The following PNPT1 variants were observed in gnomAD, a reference collection of about 807,000 sequenced individuals.
PNPT1 encodes the protein polyribonucleotide nucleotidyltransferase 1, mitochondrial.
Under a neutral mutation model 119.5 loss-of-function variants are expected in PNPT1, and 53 were observed. The observed-to-expected ratio is 0.44, with a 90% confidence interval of 0.36 to 0.56. The LOEUF is 0.56. PNPT1 is among the 20% of genes least tolerant of loss of function. The probability of loss-of-function intolerance (pLI) is 0.00; values close to 1 mark genes in which losing one functional copy is unlikely to be tolerated. For missense variants in PNPT1, 948 were observed against 938.5 expected (o/e 1.01, Z -0.13); for synonymous variants, 357 against 322.1 (o/e 1.11, Z -1.16).
rs533331095 is a variant in PNPT1 at position 55,676,223 on chromosome 2, C to T, written c.680-3144G>A. Reference sequence around the variant, plus strand: ...GCAGTGAGCCGAGATTGCGCCACTGCACTCCAGCCTGGGCGACAGAGTAAG... The same window carrying T: ...GCAGTGAGCCGAGATTGCGCCACTGTACTCCAGCCTGGGCGACAGAGTAAG... On this transcript the variant is annotated intron_variant, in intron 8 of 27. Coordinates refer to ENST00000447944, the MANE Select transcript of PNPT1 (RefSeq NM_033109.5). 1.8e-4 allele frequency among the ~76,000 whole-genome samples: 24 copies of T among 136,084 alleles called. No homozygotes were observed. In the South Asian group the frequency reaches 4.2e-3, roughly 24 times the overall value. 89.3% of individuals were successfully genotyped at this position (136,084 alleles called of 152,430 possible).
At position 55,693,660 on chromosome 2, in the gene PNPT1, T is replaced by G. The variant is rs768693398; in HGVS notation, c.161+3A>C. On this transcript the variant is annotated splice_donor_region_variant and intron_variant, in intron 1 of 27. Coordinates refer to ENST00000447944, the MANE Select transcript of PNPT1 (RefSeq NM_033109.5). ...AATACAGTGAACGCACGTCACTCCT[T>G]ACCTGTTGCCTAAGTCCACGGCCAC... 2 of 1,614,112 alleles carry G rather than the reference T, an allele frequency of 1.2e-6. No individual in the cohort carries two copies. Among genetic ancestry groups the G allele is most frequent in the South Asian group, 2.2e-5 (2 of 91,094 alleles).
intron 8 of PNPT1, among the ~76,000 whole-genome samples, chr2:55,678,996 T>C (rs1186567648): frequency 1.3e-5 from 2 of 152,208 alleles, no homozygotes; most frequent in Non-Finnish European, 2.9e-5. Context: ...CATAGTAGAA[T>C]AAACCAACAA....
At chr2:55,643,522 A>T (rs1185681980) in intron 23 of PNPT1, 97 bp from the exon 24 acceptor site, 1 of 1,048,036 alleles carries the variant, frequency 9.5e-7, no homozygotes, top group African/African-American at 1.6e-5. Flanking sequence ...AGGTGGGAGG[A>T]TCACTTGAGC....
At chr2:55,637,710 T>C (rs1376756175) in intron 26 of PNPT1, 111 bp from the exon 27 acceptor site, 11 of 971,050 alleles carry the variant, frequency 1.1e-5, no homozygotes, top group African/African-American at 1.6e-5. Context: ...AAAAAATCAG[T>C]TAGCGGCTGG....
chr2:55,672,200 G>A (rs1018493442), intron 9 of PNPT1, among the ~76,000 whole-genome samples, 154 bp from the exon 10 acceptor site: 2 of 152,100 alleles, frequency 1.3e-5, no homozygotes, highest in African/African-American at 2.4e-5. Context: ...ATTTATCATT[G>A]CTAATCTGTT....
chr2:55,658,067 A>T (rs559864642), intron 15 of PNPT1, among the ~76,000 whole-genome samples: 1 of 151,600 alleles, frequency 6.6e-6, no homozygotes, highest in East Asian at 1.9e-4. Flanking sequence ...GCAAAACCCC[A>T]TTTTGTAAAA....
intron 22 of PNPT1, 110 bp from the exon 23 acceptor site, chr2:55,644,830 A>T: frequency 1.8e-6 from 1 of 555,498 alleles, no homozygotes. Flanking sequence ...CACATGTAAA[A>T]ATATTTTACT....
intron 18 of PNPT1, among the ~76,000 whole-genome samples, chr2:55,650,885 G>A (rs1471578825): frequency 2.0e-5 from 3 of 151,040 alleles, no homozygotes; most frequent in South Asian, 2.1e-4. Context: ...CACCTCGTCC[G>A]GCAGGGAGGT....
rs374398227 is a variant in PNPT1 at position 55,636,189 on chromosome 2, A to G, written c.*48T>C. ...CTACTAAAATGTTGCTCTACAGCAC[A>G]TCACCCTAGACAAAATAGAATTCTA... On this transcript the variant is annotated 3_prime_UTR_variant, in exon 28 of 28. Coordinates refer to ENST00000447944, the MANE Select transcript of PNPT1 (RefSeq NM_033109.5). 6.8e-7 allele frequency: 1 copy of G among 1,476,524 alleles called. No individual in the cohort carries two copies. The highest frequency in any genetic ancestry group is 1.4e-5 in the African/African-American group (1 of 71,542). 91.5% of individuals were successfully genotyped at this position (1,476,524 alleles called of 1,614,324 possible).
intron 27 of PNPT1, among the ~76,000 whole-genome samples, chr2:55,636,842 G>C (rs767176562): frequency 2.0e-5 from 3 of 151,764 alleles, no homozygotes. Flanking sequence ...AGGGGCAAAT[G>C]CAAAGGTTTA....
chr2:55,660,288 A>G (rs1696524759), intron 14 of PNPT1, 95 bp from the exon 15 acceptor site: 1 of 1,293,114 alleles, frequency 7.7e-7, no homozygotes. Context: ...ATTTTACAAA[A>G]GAACTAGGTG....
At chr2:55,687,285 C>T (rs1475351339) in intron 2 of PNPT1, among the ~76,000 whole-genome samples, 1 of 145,376 alleles carries the variant, frequency 6.9e-6, no homozygotes, top group Admixed American at 6.9e-5. Flanking sequence ...ACTAAAAATA[C>T]AAAAATTAGC....
At chr2:55,680,294 G>A (rs1044167278) in intron 7 of PNPT1, among the ~76,000 whole-genome samples, 9 of 152,028 alleles carry the variant, frequency 5.9e-5, no homozygotes, top group African/African-American at 9.7e-5. Context: ...GCTAGGGCCT[G>A]CTCTGCCTAG....
chr2:55,642,056 G>T (rs1288418743), intron 25 of PNPT1, among the ~76,000 whole-genome samples: 1 of 151,956 alleles, frequency 6.6e-6, no homozygotes, highest in African/African-American at 2.4e-5. Context: ...TGGTCAGGCT[G>T]CTCTCGAACC....
At position 55,645,345 on chromosome 2, in the gene PNPT1, T is replaced by C. The variant is rs749575616; in HGVS notation, c.1822+4A>G. 6.9e-6 allele frequency: 11 copies of C among 1,597,230 alleles called. No homozygotes were observed. The highest frequency in any genetic ancestry group is 8.6e-6 in the Non-Finnish European group (10 of 1,165,836). On this transcript the variant is annotated splice_donor_region_variant and intron_variant, in intron 22 of 27. Coordinates refer to ENST00000447944, the MANE Select transcript of PNPT1 (RefSeq NM_033109.5). ...AGCCGATCACTAAAATTTTAATGTA[T>C]TACCTACAACAGGTCCATTTTCTTT...
intron 1 of PNPT1, among the ~76,000 whole-genome samples, chr2:55,692,044 C>T (rs1697635906): frequency 6.6e-6 from 1 of 151,488 alleles, no homozygotes; most frequent in Non-Finnish European, 1.5e-5. Flanking sequence ...TGCCACCACG[C>T]CCAGCTAATT....
At chr2:55,665,028 AC>A in intron 13 of PNPT1, among the ~76,000 whole-genome samples, 1 of 152,178 alleles carries the variant, frequency 6.6e-6, no homozygotes. Context: ...GATTGAACAA[AC>A]AGGGAAGATG....
At chr2:55,644,795 AG>A in intron 22 of PNPT1, 75 bp from the exon 23 acceptor site, 2 of 1,048,850 alleles carry the variant, frequency 1.9e-6, no homozygotes, top group South Asian at 1.9e-5. Context: ...TGGTCACTTG[AG>A]ATTTTTTTTT....
At chr2:55,690,299 C>T (rs917428371) in intron 1 of PNPT1, among the ~76,000 whole-genome samples, 4 of 152,156 alleles carry the variant, frequency 2.6e-5, no homozygotes, top group Non-Finnish European at 5.9e-5. Context: ...GCTCAAGATT[C>T]ATCAAAAGGT....
Sources: allele counts gnomAD v4.1 joint callset (sites outside exome capture counted in the v4.1 genomes callset), GRCh38; gene constraint gnomAD v4.1.1; transcripts MANE v1.5; gene names NCBI Gene and HGNC (gene_info 2026-07-23, HGNC 2026-07-21).